DTNBP1: variants seen among roughly 807,000 people sequenced by gnomAD.
DTNBP1 encodes dystrobrevin binding protein 1, also known as dysbindin.
DTNBP1 carries 35 observed loss-of-function variants against 42.8 expected under a neutral mutation model. The ratio of observed to expected loss-of-function variants is 0.82; its 90% confidence interval spans 0.63 to 1.09. The LOEUF is 1.09. Among genes scored for constraint, DTNBP1 ranks in the 50% least tolerant of loss-of-function variants. The probability of loss-of-function intolerance (pLI) is 0.00; values close to 1 mark genes in which losing one functional copy is unlikely to be tolerated. For missense variants in DTNBP1, 457 were observed against 424.2 expected, an observed-to-expected ratio of 1.08 and a Z score of -0.68; for synonymous variants, 171 against 162.2, an observed-to-expected ratio of 1.05 and a Z score of -0.41.
chr6:15,651,987 C>A (rs1000224664), intron 2 of DTNBP1, 100 bp downstream of exon 2: 41 of 1,064,090 alleles, frequency 3.9e-5, no homozygotes, highest in Non-Finnish European at 4.8e-5. Context: ...ATGCACTCAA[C>A]AAATCTAAGG....
In DTNBP1 at chr6:15,614,049, C is replaced by T. The variant is rs184095399; in HGVS notation, c.488+1218G>A. The stretch of plus-strand genomic sequence containing the variant: ...AGCCCAGGAATCCCCATTTTAAATA[C>T]TCTCCCCAGGTGACTCTTATGGCTC... On this transcript the variant is annotated intron_variant, in intron 6 of 9. Coordinates refer to ENST00000344537, the MANE Select transcript of DTNBP1 (RefSeq NM_032122.5). Among the ~76,000 whole-genome samples the T allele has an allele frequency of 4.6e-5, 7 of 152,270 alleles. No individual in the cohort carries two copies. In the East Asian group the frequency reaches 1.4e-3, roughly 30 times the overall value.
chr6:15,654,649 G>A (rs764623171), intron 1 of DTNBP1, among the ~76,000 whole-genome samples: 6 of 151,644 alleles, frequency 4.0e-5, no homozygotes, highest in Non-Finnish European at 7.4e-5. Context: ...AGAAAAAACC[G>A]GTTTGAAATG....
intron 7 of DTNBP1, among the ~76,000 whole-genome samples, chr6:15,552,184 C>T (rs766484760): frequency 1.2e-4 from 19 of 152,116 alleles, no homozygotes; most frequent in Non-Finnish European, 2.2e-4. Context: ...TAAAAAGTGA[C>T]GTTACCCAAG....
At position 15,662,875 on chromosome 6, in the gene DTNBP1, C is replaced by T; in HGVS notation, c.-6G>A. On this transcript the variant is annotated 5_prime_UTR_variant, in exon 1 of 10. Coordinates refer to ENST00000344537, the MANE Select transcript of DTNBP1 (RefSeq NM_032122.5). ...TCGCGAAGGGTCTCCAGCATTGCCG[C>T]CGCCGCCGGTCTCCTCTCCTCAGGC... is the stretch of plus-strand genomic sequence containing the variant. 6.2e-7 allele frequency: 1 copy of T among 1,604,806 alleles called. No homozygotes were observed.
At chr6:15,627,582 G>A in intron 4 of DTNBP1, 107 bp from the exon 5 acceptor site, 1 of 1,476,694 alleles carries the variant, frequency 6.8e-7, no homozygotes, top group Non-Finnish European at 9.2e-7. Flanking sequence ...CCTCTACTCA[G>A]TAGAGATTAC....
rs551636856 is a variant in DTNBP1, at chr6:15,598,529, T to C, written c.489-5448A>G. Among the ~76,000 whole-genome samples, 306 of 152,326 alleles carry C rather than the reference T, an allele frequency of 2.0e-3. 3 individuals are homozygous for C. The highest frequency in any genetic ancestry group is 6.5e-3 in the African/African-American group (272 of 41,570). ...ATTCCTGAACAGTGTCCCTTTGTTA[T>C]GGCTGATGGACAGAACCTATTACTG... On this transcript the variant is annotated intron_variant, in intron 6 of 9. Coordinates refer to ENST00000344537, the MANE Select transcript of DTNBP1 (RefSeq NM_032122.5).
intron 9 of DTNBP1, chr6:15,523,672 A>G: frequency 7.8e-7 from 1 of 1,287,206 alleles, no homozygotes; most frequent in Non-Finnish European, 1.0e-6. Context: ...TAGGCTCTTC[A>G]AGGAATCAAA....
chr6:15,590,358 A>G (rs1210763833), intron 7 of DTNBP1, among the ~76,000 whole-genome samples: 2 of 152,158 alleles, frequency 1.3e-5, no homozygotes, highest in African/African-American at 2.4e-5. Flanking sequence ...TCTCTGCATT[A>G]CTTATATTAT....
At chr6:15,578,998 C>G (rs896375388) in intron 7 of DTNBP1, among the ~76,000 whole-genome samples, 2 of 152,122 alleles carry the variant, frequency 1.3e-5, no homozygotes, top group Middle Eastern at 3.4e-3. Flanking sequence ...GAGGTGCCCC[C>G]AAAAAACTAA....
chr6:15,540,220 T>C (rs1005268011), intron 7 of DTNBP1, among the ~76,000 whole-genome samples: 1 of 152,190 alleles, frequency 6.6e-6, no homozygotes, highest in African/African-American at 2.4e-5. Context: ...CTGAAGAGGA[T>C]GTCTTTTCAT....
chr6:15,660,251 AAC>A (rs1761527806), intron 1 of DTNBP1: 2 of 835,692 alleles, frequency 2.4e-6, no homozygotes, highest in Admixed American at 4.7e-5. Flanking sequence ...ACATATAATA[AAC>A]ACATGTGTGC....
intron 1 of DTNBP1, 40 bp from the exon 2 acceptor site, chr6:15,652,180 G>A: frequency 6.8e-7 from 1 of 1,476,560 alleles, no homozygotes; most frequent in Non-Finnish European, 9.2e-7. Context: ...TACAAGTCAA[G>A]AGATTATTAT....
chr6:15,623,569 T>A (rs1260946815), intron 5 of DTNBP1, among the ~76,000 whole-genome samples: 1 of 151,998 alleles, frequency 6.6e-6, no homozygotes, highest in Admixed American at 6.6e-5. Flanking sequence ...AATTAAAATT[T>A]TAAAACAAAA....
chr6:15,596,657 T>A (rs904379059), intron 6 of DTNBP1, among the ~76,000 whole-genome samples: 3 of 152,318 alleles, frequency 2.0e-5, no homozygotes, highest in Middle Eastern at 3.4e-3. Flanking sequence ...CAGCTTACAT[T>A]CGCTCATAAG....
At chr6:15,578,682 G>A (rs976027991) in intron 7 of DTNBP1, among the ~76,000 whole-genome samples, 1 of 152,160 alleles carries the variant, frequency 6.6e-6, no homozygotes, top group Non-Finnish European at 1.5e-5. Flanking sequence ...ATAAAAACTG[G>A]AAGAAATAAC....
chr6:15,607,280 T>C (rs1411038355), intron 6 of DTNBP1, among the ~76,000 whole-genome samples: 2 of 151,410 alleles, frequency 1.3e-5, no homozygotes, highest in African/African-American at 4.9e-5. Flanking sequence ...ATTACAGGCA[T>C]GAGCCACTGT....
chr6:15,585,865 A>G, intron 7 of DTNBP1: 3 of 1,435,472 alleles, frequency 2.1e-6, no homozygotes, highest in Non-Finnish European at 2.7e-6. Context: ...ATGTAGAACA[A>G]AGGAAGTGAG....
rs955670724 is a variant in DTNBP1, at chr6:15,559,175, G to A, written c.512-25780C>T. On this transcript the variant is annotated intron_variant, in intron 7 of 9. Transcript: ENST00000344537. ...AGGAGACAAGAGCCTTGAAGATGAG[G>A]AGCACGGTGGCCAGCCATCAGAAGT... Among the ~76,000 whole-genome samples, 9 of 152,192 alleles carry A rather than the reference G, an allele frequency of 5.9e-5. No homozygotes were observed. The South Asian group carries it at 6.2e-4, about 11-fold the overall frequency.
intron 2 of DTNBP1, among the ~76,000 whole-genome samples, chr6:15,651,705 C>A (rs376203027): frequency 6.6e-6 from 1 of 152,150 alleles, no homozygotes; most frequent in Non-Finnish European, 1.5e-5. Flanking sequence ...ACAAACAGCA[C>A]AATCCTGGTG....
Sources: gnomAD v4.1 joint callset for allele counts (sites outside exome capture counted in the v4.1 genomes callset) on GRCh38, gnomAD v4.1.1 for gene constraint, MANE v1.5 for transcripts, NCBI Gene and HGNC (gene_info 2026-07-23, HGNC 2026-07-21) for gene names.